Variants in XG observed in about 807,000 individuals in gnomAD.
XG encodes the protein Xg glycoprotein (Xg blood group), also known as glycoprotein Xg.
Under a neutral mutation model 25.7 loss-of-function variants are expected in XG, and 24 were observed. The observed-to-expected ratio is 0.93, with a 90% CI of 0.68 to 1.31. XG has a LOEUF of 1.31. Among genes scored for constraint, XG ranks in the 40% most tolerant of loss-of-function variants. The pLI, the probability that XG is intolerant of heterozygous loss-of-function variation, is 0.00. For synonymous variants in XG, 77 were observed against 69.2 expected (o/e 1.11, Z -0.56); for missense variants, 181 against 187.6 (o/e 0.96, Z 0.21).
intron 1 of XG, among the ~76,000 whole-genome samples, chrX:2,766,979 A>C (rs1335252513): frequency 6.6e-6 from 1 of 152,012 alleles, no homozygotes; most frequent in Non-Finnish European, 1.5e-5. Context: ...CTTGGGGAAG[A>C]GGGATTCTAG....
intron 8 of XG, among the ~76,000 whole-genome samples, chrX:2,807,161 C>A (rs1398945964): frequency 8.9e-6 from 1 of 112,284 alleles, no homozygotes; most frequent in Non-Finnish European, 1.9e-5. Flanking sequence ...TGAGCACATG[C>A]ATGTTTGTGT....
At chrX:2,759,957 A>G (rs866495044) in intron 1 of XG, among the ~76,000 whole-genome samples, 1 of 104,318 alleles carries the variant, frequency 9.6e-6, no homozygotes, top group Non-Finnish European at 1.9e-5. Context: ...CTTCAGAATC[A>G]GATTCTGGGC....
chrX:2,761,086 T>G (rs1397959969), intron 1 of XG, among the ~76,000 whole-genome samples: 1 of 152,130 alleles, frequency 6.6e-6, no homozygotes, highest in Non-Finnish European at 1.5e-5. Context: ...TCTGTAAGGG[T>G]TGAATTGTGC....
At chrX:2,809,744 C>T (rs2087036479) in intron 9 of XG, among the ~76,000 whole-genome samples, 1 of 111,981 alleles carries the variant, frequency 8.9e-6, no homozygotes, top group Non-Finnish European at 1.9e-5. Flanking sequence ...AGCGCTTTGA[C>T]CATGTTTCCT....
intron 1 of XG, among the ~76,000 whole-genome samples, chrX:2,759,690 T>C (rs757642147): frequency 1.3e-5 from 2 of 152,266 alleles, no homozygotes; most frequent in East Asian, 3.9e-4. Flanking sequence ...ATGTCTCCCC[T>C]TTCTTGGATA....
intron 3 of XG, chrX:2,775,012 T>C: frequency 1.9e-6 from 1 of 526,070 alleles, no homozygotes; most frequent in Non-Finnish European, 3.4e-6. Flanking sequence ...GGAATGTTTG[T>C]ACAGTGCTGG....
chrX:2,784,659 C>T (rs1344555260), intron 4 of XG, among the ~76,000 whole-genome samples: 1 of 111,077 alleles, frequency 9.0e-6, no homozygotes, highest in Admixed American at 9.5e-5. Flanking sequence ...ACACTCAGCC[C>T]CTCCCACAGC....
At chrX:2,803,673 G>A (rs564178675) in intron 7 of XG, among the ~76,000 whole-genome samples, 9 of 110,101 alleles carry the variant, frequency 8.2e-5, no homozygotes, top group East Asian at 5.7e-4. Context: ...CCAGATTACC[G>A]GGCTGGCTGG....
In XG at chrX:2,816,167, A is replaced by G. The variant is rs2087102991; in HGVS notation, c.*1787A>G. On this transcript the variant is annotated 3_prime_UTR_variant, in exon 11 of 11. Coordinates refer to ENST00000644266, the MANE Select transcript of XG (RefSeq NM_001141919.2). ...TACTTAAGATGAAAATATTTGAATC[A>G]TGATTGCTTGGGGGAACCTCTCTTT... 1 of 112,498 alleles carries G rather than the reference A, an allele frequency of 8.9e-6. No individual in the cohort carries two copies. The highest frequency in any genetic ancestry group is 3.2e-5 in the African/African-American group (1 of 30,991). The allele number at this position is 112,498 out of a possible 1,213,427, so 9.3% of individuals were successfully genotyped here. A position where few individuals can be genotyped will look rare whatever the true frequency, so the allele number is the denominator to read the frequency against.
At chrX:2,804,419 C>T (rs778776729) in intron 7 of XG, among the ~76,000 whole-genome samples, 2 of 107,944 alleles carry the variant, frequency 1.9e-5, no homozygotes, top group Middle Eastern at 9.8e-3. Flanking sequence ...GGTTTCGCCA[C>T]GTTGCCCAGG....
At chrX:2,761,467 C>T (rs1603303379) in intron 1 of XG, among the ~76,000 whole-genome samples, 1 of 151,796 alleles carries the variant, frequency 6.6e-6, no homozygotes, top group Admixed American at 6.6e-5. Flanking sequence ...TGGACTAAGA[C>T]ATCTCATAAG....
At chrX:2,760,992 G>C (rs1436783955) in intron 1 of XG, among the ~76,000 whole-genome samples, 1 of 151,994 alleles carries the variant, frequency 6.6e-6, no homozygotes, top group East Asian at 1.9e-4. Flanking sequence ...AATGTCCACT[G>C]TTTAAACAGC....
In XG at chrX:2,814,573, G is replaced by A. The variant is rs1365212549; in HGVS notation, c.*193G>A. The A allele has an allele frequency of 2.1e-6, 1 of 485,636 alleles. No individual in the cohort carries two copies. Among genetic ancestry groups the A allele is most frequent in the Non-Finnish European group, 3.2e-6 (1 of 311,429 alleles). 40.0% of individuals were successfully genotyped at this position (485,636 alleles called of 1,213,427 possible). On this transcript the variant is annotated 3_prime_UTR_variant, in exon 11 of 11. Transcript: ENST00000644266. ...GAATGTGATGTGGTTATAAAGATAA[G>A]TTAGGCAGCTAGACCCTGCGTTCTA...
intron 1 of XG, among the ~76,000 whole-genome samples, chrX:2,765,380 A>G (rs1318813247): frequency 1.1e-3 from 41 of 37,106 alleles, no homozygotes; most frequent in Non-Finnish European, 3.2e-3. Context: ...GAGGGAGGGA[A>G]GGAAGGAAGG....
intron 6 of XG, among the ~76,000 whole-genome samples, 168 bp from the exon 7 acceptor site, chrX:2,797,142 G>A (rs2086893045): frequency 9.0e-6 from 1 of 111,337 alleles, no homozygotes; most frequent in Admixed American, 9.6e-5. Flanking sequence ...AGCTTTGGTG[G>A]GGCCACCCTT....
At chrX:2,783,795 C>A (rs192705183) in intron 4 of XG, among the ~76,000 whole-genome samples, 1 of 111,740 alleles carries the variant, frequency 8.9e-6, no homozygotes, top group Non-Finnish European at 1.9e-5. Flanking sequence ...GCCAACATGG[C>A]GAAACCCTGT....
At chrX:2,758,956 T>TTATC (rs10660578) in intron 1 of XG, among the ~76,000 whole-genome samples, 135,456 of 151,862 alleles carry the variant, frequency 0.89, 60,733 homozygotes, top group Non-Finnish European at 0.92. Flanking sequence ...ATCTATCTAT[T>TTATC]TATCTATCTT....
chrX:2,765,220 G>A (rs312222), intron 1 of XG, among the ~76,000 whole-genome samples: 29,138 of 150,824 alleles, frequency 0.19, 3,780 homozygotes, highest in African/African-American at 0.38. Flanking sequence ...AGTAGGGGGC[G>A]CCTGTAATCC....
At chrX:2,757,744 G>C (rs898855624) in intron 1 of XG, among the ~76,000 whole-genome samples, 6 of 151,914 alleles carry the variant, frequency 3.9e-5, no homozygotes, top group African/African-American at 1.4e-4. Context: ...GGCCGAGTTG[G>C]GCAGATCACT....
Sources: gnomAD v4.1 joint callset for allele counts (sites outside exome capture counted in the v4.1 genomes callset) on GRCh38, gnomAD v4.1.1 for gene constraint, MANE v1.5 for transcripts, NCBI Gene and HGNC (gene_info 2026-07-23, HGNC 2026-07-21) for gene names.